Variants in MACF1 observed in about 807,000 individuals in gnomAD.
MACF1 encodes the protein microtubule-actin cross-linking factor 1.
Under a neutral mutation model 854.8 loss-of-function variants are expected in MACF1, and 193 were observed. That is an observed-to-expected ratio of 0.23 (90% CI 0.20 to 0.25). The LOEUF (loss-of-function observed/expected upper bound fraction) is 0.25. MACF1 is among the 10% of genes least tolerant of loss of function. The pLI, the probability that MACF1 is intolerant of heterozygous loss-of-function variation, is 1.00. For synonymous variants in MACF1, 3,185 were observed against 3,226.7 expected (o/e 0.99, Z 0.44); for missense variants, 7,722 against 8,929.1 (o/e 0.86, Z 5.45).
At chr1:39,426,670 T>A (rs979052105) in intron 61 of MACF1, among the ~76,000 whole-genome samples, 28 of 152,240 alleles carry the variant, frequency 1.8e-4, no homozygotes, top group South Asian at 1.5e-3. Context: ...TCAGTGACAG[T>A]CATGTATCCC....
chr1:39,293,676 C>T, intron 18 of MACF1, 57 bp downstream of exon 18: 1 of 1,546,244 alleles, frequency 6.5e-7, no homozygotes, highest in Non-Finnish European at 8.8e-7. Context: ...CAGAAGGAGA[C>T]AGGGCCTAGT....
Position 39,251,926 on chromosome 1 carries a change from AGATGAT to A in MACF1, c.350_355del (p.Asp117_Asp118del). The A allele has an allele frequency of 6.6e-7, 1 of 1,512,066 alleles. No individual in the cohort carries two copies. Among genetic ancestry groups the A allele is most frequent in the South Asian group, 1.2e-5 (1 of 80,590 alleles). The allele number at this position is 1,512,066 out of a possible 1,614,324, so 93.7% of individuals were successfully genotyped here. On this transcript the variant is annotated inframe_deletion, in exon 4 of 101. Transcript: ENST00000564288. The stretch of plus-strand genomic sequence containing the variant: ...CAAACAACGAGGAGCAGGCGGAGGA[AGATGAT>A]GATGATGTAGTAGGTCCTCCTGGGG...
chr1:39,234,914 C>G (rs1010027461), intron 2 of MACF1, among the ~76,000 whole-genome samples: 4 of 149,018 alleles, frequency 2.7e-5, no homozygotes, highest in African/African-American at 9.8e-5. Context: ...GATAGGCGGC[C>G]GGGCAGAGAC....
In MACF1 at chr1:39,285,632, C is replaced by A. The variant is rs138060421; in HGVS notation, c.1382C>A (p.Pro461Gln). Reference protein sequence around the residue: ...ADAAHLESGQPVQCESDVIMY... With the variant: ...ADAAHLESGQQVQCESDVIMY... ...GCTGCTCACCTGGAATCAGGACAAC[C>A]GGTACAATGTGAGTCAGATGTCATT... Residue 461 changes from proline (P) to glutamine (Q), a missense_variant, in exon 14 of 101, where the codon CCG becomes CAG. By Grantham distance (76) the Pro-to-Gln change is moderately conservative (BLOSUM62 -1). Coordinates refer to ENST00000564288, the MANE Select transcript of MACF1 (RefSeq NM_001394062.1). 1.9e-6 allele frequency: 3 copies of A among 1,613,896 alleles called. No individual in the cohort carries two copies. Among genetic ancestry groups the A allele is most frequent in the African/African-American group, 2.7e-5 (2 of 74,852 alleles).
chr1:39,411,968 G>C, intron 58 of MACF1: 1 of 1,613,940 alleles, frequency 6.2e-7, no homozygotes, highest in Non-Finnish European at 8.5e-7. Context: ...TCCACTGTTA[G>C]CAAGGAGGAA....
intron 1 of MACF1, among the ~76,000 whole-genome samples, chr1:39,225,581 G>A (rs1644707462): frequency 6.6e-6 from 1 of 152,200 alleles, no homozygotes; most frequent in Admixed American, 6.5e-5. Flanking sequence ...AAGGTTTAAA[G>A]TGTTAAATCT....
chr1:39,193,705 A>C (rs1644283786), intron 2 of MACF1, among the ~76,000 whole-genome samples: 1 of 152,224 alleles, frequency 6.6e-6, no homozygotes, highest in Non-Finnish European at 1.5e-5. Flanking sequence ...ATTGGTTCAT[A>C]GATACACAAC....
At chr1:39,246,179 C>G (rs1644979298) in intron 2 of MACF1, among the ~76,000 whole-genome samples, 1 of 152,090 alleles carries the variant, frequency 6.6e-6, no homozygotes, top group African/African-American at 2.4e-5. Context: ...TGGCTGTTCC[C>G]TGAGGCTCAG....
rs145847511 is a variant in MACF1, at chr1:39,359,144, T to C, written c.12124T>C (p.Leu4042=). 1 of 1,614,102 alleles carries C rather than the reference T, an allele frequency of 6.2e-7. No homozygotes were observed. The highest frequency in any genetic ancestry group is 1.3e-5 in the African/African-American group (1 of 75,030). Residue 4042 remains leucine, a synonymous_variant, in exon 47 of 101, where the codon TTG becomes CTG. Coordinates refer to ENST00000564288, the MANE Select transcript of MACF1 (RefSeq NM_001394062.1). ...TGTTTTTTTCATGGACAAGCAGCAG[T>C]TGCAGGAGGAATTGGCTGAGCACCA... ...LQEQLATTKQ[L]QEELAEHQVP... is the part of the protein sequence containing the mutation.
intron 35 of MACF1, among the ~76,000 whole-genome samples, chr1:39,325,381 G>C (rs1646590372): frequency 6.6e-6 from 1 of 152,224 alleles, no homozygotes; most frequent in African/African-American, 2.4e-5. Flanking sequence ...CAAGTTGTGG[G>C]ATGAGGTCAG....
At chr1:39,439,008 G>A (rs1240876656) in intron 71 of MACF1, among the ~76,000 whole-genome samples, 3 of 151,372 alleles carry the variant, frequency 2.0e-5, no homozygotes, top group African/African-American at 7.3e-5. Context: ...TCTGGAACCT[G>A]GGAGGCAGAG....
At chr1:39,405,134 A>G (rs1642647314) in intron 58 of MACF1, among the ~76,000 whole-genome samples, 3 of 152,192 alleles carry the variant, frequency 2.0e-5, no homozygotes, top group African/African-American at 4.8e-5. Context: ...GAGAGCTCAA[A>G]TAGCATCAAA....
intron 44 of MACF1, among the ~76,000 whole-genome samples, chr1:39,354,189 C>T (rs1224736479): frequency 6.6e-6 from 1 of 152,086 alleles, no homozygotes; most frequent in Non-Finnish European, 1.5e-5. Context: ...CTAAACTGTG[C>T]TCTCACTTTC....
In MACF1 at chr1:39,453,739, G is replaced by A; in HGVS notation, c.20775G>A (p.Val6925=). ...EFMKKVEEKR[V]DVNSAVAMGE... Reference sequence around the variant, plus strand: ...TGAAGAAAGTAGAAGAAAAGCGAGTGGACGTTAACTCAGCAGTAGCCATGG... The same window carrying A: ...TGAAGAAAGTAGAAGAAAAGCGAGTAGACGTTAACTCAGCAGTAGCCATGG... The change falls in exon 88 of 101, where the codon GTG becomes GTA. Residue 6925 remains valine (V), a synonymous_variant. Coordinates refer to ENST00000564288, the MANE Select transcript of MACF1 (RefSeq NM_001394062.1). 6.2e-7 allele frequency: 1 copy of A among 1,614,124 alleles called. No individual in the cohort carries two copies. The highest frequency in any genetic ancestry group is 1.1e-5 in the South Asian group (1 of 91,076).
chr1:39,302,506 C>T (rs947371186), intron 22 of MACF1, among the ~76,000 whole-genome samples: 1 of 152,112 alleles, frequency 6.6e-6, no homozygotes, highest in Non-Finnish European at 1.5e-5. Context: ...TTCCAAAATG[C>T]TTAAACATTT....
At position 39,275,380 on chromosome 1, in the gene MACF1, A is replaced by AT. The variant is rs112982713; in HGVS notation, c.529-6820dup. Among the ~76,000 whole-genome samples, 710 of 151,160 alleles carry AT rather than the reference A, an allele frequency of 4.7e-3. 9 individuals are homozygous for AT. The highest frequency in any genetic ancestry group is 0.016 in the African/African-American group (674 of 41,190). On this transcript the variant is annotated intron_variant, in intron 6 of 100. Transcript: ENST00000564288. ...TACGGTGTGAGCCACTGCGCCTGTA[A>AT]TTTTTTTTAAAGAGATGAGGTCTCA... is the stretch of plus-strand genomic sequence containing the variant.
At chr1:39,402,041 G>A (rs553420065) in intron 58 of MACF1, among the ~76,000 whole-genome samples, 14 of 152,102 alleles carry the variant, frequency 9.2e-5, no homozygotes, top group South Asian at 2.1e-4. Context: ...GTAAAACCCC[G>A]TCTCTACTAA....
chr1:39,234,536 T>TG (rs1644830070), intron 2 of MACF1, among the ~76,000 whole-genome samples: 1 of 14,012 alleles, frequency 7.1e-5, no homozygotes, highest in African/African-American at 2.0e-4. Flanking sequence ...GCGGCTGGCC[T>TG]GGCGGGGGGC....
chr1:39,336,690 T>TA (rs761216374), intron 37 of MACF1, 37 bp downstream of exon 37: 5 of 1,525,686 alleles, frequency 3.3e-6, no homozygotes, highest in Non-Finnish European at 4.4e-6. Context: ...TTCCTAAAGA[T>TA]ACAATTAGTT....
Sources: gnomAD v4.1 joint callset for allele counts (sites outside exome capture counted in the v4.1 genomes callset) on GRCh38, gnomAD v4.1.1 for gene constraint, MANE v1.5 for transcripts, NCBI Gene and HGNC (gene_info 2026-07-23, HGNC 2026-07-21) for gene names.